The following LINGO2 variants were observed in gnomAD, a reference collection of about 807,000 sequenced individuals.
LINGO2 encodes the protein leucine-rich repeat and immunoglobulin-like domain-containing nogo receptor-interacting protein 2.
A neutral mutation model predicts 30.6 loss-of-function variants in LINGO2; 14 were observed. The observed-to-expected ratio is 0.46, with a 90% CI of 0.30 to 0.72. The LOEUF is 0.72. Among genes scored for constraint, LINGO2 ranks in the 30% least tolerant of loss-of-function variants. The probability of loss-of-function intolerance (pLI) is 0.07; values close to 1 mark genes in which losing one functional copy is unlikely to be tolerated. For synonymous variants in LINGO2, 317 were observed against 288.5 expected (o/e 1.10, Z -1.00); for missense variants, 729 against 751.7 (o/e 0.97, Z 0.35).
chr9:28,051,025 T>C (rs1037749001), intron 4 of LINGO2, among the ~76,000 whole-genome samples: 1 of 150,972 alleles, frequency 6.6e-6, no homozygotes, highest in Non-Finnish European at 1.5e-5. Flanking sequence ...AGTTCTGTTT[T>C]TAGCTAACCT....
At chr9:29,057,684 T>G in the LINGO2 span, among the ~76,000 whole-genome samples, 38 of 152,104 alleles carry the variant, frequency 2.5e-4, no homozygotes, top group Non-Finnish European at 5.4e-4. Flanking sequence ...ATAGAGGCCC[T>G]GCCTTGAGTC....
the LINGO2 span, among the ~76,000 whole-genome samples, chr9:28,735,711 G>A: frequency 4.6e-5 from 7 of 151,858 alleles, no homozygotes; most frequent in African/African-American, 1.7e-4. Flanking sequence ...GATCTATAAT[G>A]ACATTCTTTT....
At chr9:28,601,035 G>T (rs1402145434) in intron 1 of LINGO2, among the ~76,000 whole-genome samples, 1 of 151,944 alleles carries the variant, frequency 6.6e-6, no homozygotes, top group Non-Finnish European at 1.5e-5. Flanking sequence ...AGATCCCTTG[G>T]AGCCTGTTGA....
At chr9:28,704,215 G>A in the LINGO2 span, among the ~76,000 whole-genome samples, 2 of 131,102 alleles carry the variant, frequency 1.5e-5, no homozygotes, top group African/African-American at 5.9e-5. Flanking sequence ...GTTGGTGTGA[G>A]TTTTCTCTCA....
the LINGO2 span, among the ~76,000 whole-genome samples, chr9:28,802,773 A>G: frequency 3.3e-5 from 5 of 152,112 alleles, no homozygotes; most frequent in African/African-American, 1.2e-4. Flanking sequence ...AAGGGTCAGA[A>G]GCAAGGACGG....
chr9:28,971,427 C>T, the LINGO2 span, among the ~76,000 whole-genome samples: 2 of 152,256 alleles, frequency 1.3e-5, no homozygotes, highest in Admixed American at 1.3e-4. Flanking sequence ...AAGGGTGAGT[C>T]CCAAGCCAGG....
At chr9:28,820,288 C>A in the LINGO2 span, among the ~76,000 whole-genome samples, 2 of 149,196 alleles carry the variant, frequency 1.3e-5, no homozygotes, top group South Asian at 4.2e-4. Flanking sequence ...CTATAGAAGA[C>A]CACGTGTGTC....
intron 1 of LINGO2, among the ~76,000 whole-genome samples, chr9:28,492,177 C>T (rs539311967): frequency 1.4e-3 from 210 of 152,308 alleles, no homozygotes; most frequent in Non-Finnish European, 2.3e-3. Flanking sequence ...ATGCTCCACA[C>T]AGAACTAAAT....
intron 4 of LINGO2, among the ~76,000 whole-genome samples, chr9:28,265,938 G>A (rs1054495741): frequency 6.6e-6 from 1 of 151,918 alleles, no homozygotes; most frequent in Non-Finnish European, 1.5e-5. Flanking sequence ...CATTCAAAGA[G>A]ACACATTCAA....
At chr9:27,994,112 G>A (rs1422126959) in intron 5 of LINGO2, among the ~76,000 whole-genome samples, 1 of 151,722 alleles carries the variant, frequency 6.6e-6, no homozygotes, top group Non-Finnish European at 1.5e-5. Flanking sequence ...ACATTAAAAT[G>A]GAAACAACAT....
chr9:28,507,397 C>T (rs534014348), intron 1 of LINGO2, among the ~76,000 whole-genome samples: 1 of 152,128 alleles, frequency 6.6e-6, no homozygotes, highest in African/African-American at 2.4e-5. Context: ...CCCAGCCTTT[C>T]AATCCTCAAA....
intron 3 of LINGO2, among the ~76,000 whole-genome samples, chr9:28,315,009 CAAA>C (rs10715487): frequency 1.1e-4 from 13 of 120,554 alleles, no homozygotes; most frequent in Admixed American, 1.7e-4. Flanking sequence ...GACTACGTCT[CAAA>C]AAAAAAAAAA....
chr9:29,029,309 T>A, the LINGO2 span, among the ~76,000 whole-genome samples: 46 of 152,110 alleles, frequency 3.0e-4, no homozygotes, highest in Admixed American at 1.4e-3. Flanking sequence ...ACCTCTAATA[T>A]TGTAGTAATA....
chr9:28,079,640 T>C (rs2133211845), intron 4 of LINGO2, among the ~76,000 whole-genome samples: 1 of 152,314 alleles, frequency 6.6e-6, no homozygotes, highest in Admixed American at 6.5e-5. Flanking sequence ...TTATCCAGGA[T>C]AGATGTGAGC....
chr9:28,483,271 C>T (rs777029648), intron 1 of LINGO2, among the ~76,000 whole-genome samples: 4 of 152,050 alleles, frequency 2.6e-5, no homozygotes, highest in Non-Finnish European at 5.9e-5. Flanking sequence ...GGACTATCTG[C>T]TGATAAAGTG....
At chr9:28,686,211 T>A in the LINGO2 span, among the ~76,000 whole-genome samples, 2 of 152,092 alleles carry the variant, frequency 1.3e-5, no homozygotes, top group African/African-American at 4.8e-5. Flanking sequence ...GAAGACATTC[T>A]ACGTACAATG....
intron 4 of LINGO2, among the ~76,000 whole-genome samples, chr9:28,033,256 C>T (rs1463851114): frequency 1.3e-5 from 2 of 152,148 alleles, no homozygotes; most frequent in African/African-American, 2.4e-5. Context: ...TATGGCTTGT[C>T]TTCAGAACTA....
intron 4 of LINGO2, among the ~76,000 whole-genome samples, chr9:28,086,262 C>T (rs1825911671): frequency 6.6e-6 from 1 of 151,982 alleles, no homozygotes; most frequent in Non-Finnish European, 1.5e-5. Context: ...AAAAATGCTG[C>T]ACTATATTCA....
At chr9:28,258,298 C>T (rs1822448417) in intron 4 of LINGO2, among the ~76,000 whole-genome samples, 1 of 151,790 alleles carries the variant, frequency 6.6e-6, no homozygotes, top group East Asian at 1.9e-4. Context: ...GGAGAAAAAT[C>T]TCTCTCTCCC....
Sources: gnomAD v4.1 joint callset for allele counts (sites outside exome capture counted in the v4.1 genomes callset) on GRCh38, gnomAD v4.1.1 for gene constraint, MANE v1.5 for transcripts, NCBI Gene and HGNC (gene_info 2026-07-23, HGNC 2026-07-21) for gene names.